Variants in DENND2B observed in about 807,000 individuals in gnomAD.
DENND2B encodes the protein DENN domain-containing protein 2B.
DENND2B carries 32 observed loss-of-function variants against 116.0 expected under a neutral mutation model. That is an observed-to-expected ratio of 0.28 (90% CI 0.21 to 0.37). DENND2B has a LOEUF of 0.37. DENND2B is among the 10% of genes least tolerant of loss of function. DENND2B has a pLI of 1.00. For missense variants in DENND2B, 1,276 were observed against 1,477.7 expected (o/e 0.86, Z 2.24); for synonymous variants, 588 against 583.9 (o/e 1.01, Z -0.10).
chr11:8,708,995 A>G (rs1427088380), intron 11 of DENND2B, among the ~76,000 whole-genome samples: 1 of 149,954 alleles, frequency 6.7e-6, no homozygotes, highest in Non-Finnish European at 1.5e-5. Flanking sequence ...GGAGACATGC[A>G]CTGAGAGCTC....
chr11:8,819,711 C>T (rs190522282), intron 4 of DENND2B, among the ~76,000 whole-genome samples: 7 of 152,290 alleles, frequency 4.6e-5, no homozygotes, highest in African/African-American at 1.7e-4. Context: ...CTGACCAGTA[C>T]TCCTGAAAAG....
chr11:8,772,874 T>G (rs2134194990), intron 1 of DENND2B, among the ~76,000 whole-genome samples: 1 of 152,020 alleles, frequency 6.6e-6, no homozygotes, highest in African/African-American at 2.4e-5. Context: ...TGGGTATGCT[T>G]ACAGCGCACC....
At chr11:8,792,108 G>A (rs1244630600) in intron 1 of DENND2B, among the ~76,000 whole-genome samples, 1 of 138,352 alleles carries the variant, frequency 7.2e-6, no homozygotes, top group Non-Finnish European at 1.6e-5. Flanking sequence ...GGGAGGCTGA[G>A]GCAGGAGAAT....
Position 8,717,721 on chromosome 11 carries a change from C to T in DENND2B, c.1629+20G>A, listed in dbSNP as rs374322597. The T allele has an allele frequency of 6.4e-5, 98 of 1,530,454 alleles. No individual in the cohort carries two copies. Among genetic ancestry groups the T allele is most frequent in the East Asian group, 9.3e-5 (4 of 43,152 alleles). 94.8% of individuals were successfully genotyped at this position (1,530,454 alleles called of 1,614,324 possible). The stretch of plus-strand genomic sequence containing the variant: ...TGGCCCTCACGCTAACCCTACAGGC[C>T]GATGTCAGGGCTGAGTTACCTGTGT... On this transcript the variant is annotated intron_variant, in intron 5 of 19. Transcript: ENST00000313726.
At chr11:8,770,189 C>T (rs74053189) in intron 1 of DENND2B, among the ~76,000 whole-genome samples, 2,926 of 152,248 alleles carry the variant, frequency 0.019, 95 homozygotes, top group African/African-American at 0.067. Flanking sequence ...ATGCAAAGTA[C>T]TTTAGAGTAC....
chr11:8,698,168 G>GAAAAA (rs1314163895), intron 16 of DENND2B, among the ~76,000 whole-genome samples: 1 of 84,792 alleles, frequency 1.2e-5, no homozygotes, highest in Non-Finnish European at 3.1e-5. Context: ...AAAAAAAAAG[G>GAAAAA]GGGTAGAGCC....
intron 2 of DENND2B, among the ~76,000 whole-genome samples, chr11:8,734,096 T>C (rs1413561725): frequency 6.6e-6 from 1 of 152,192 alleles, no homozygotes. Context: ...CAAGGTCTGG[T>C]AAACAATAAA....
At chr11:8,777,918 G>C (rs1436534814) in intron 1 of DENND2B, among the ~76,000 whole-genome samples, 1 of 152,172 alleles carries the variant, frequency 6.6e-6, no homozygotes, top group Non-Finnish European at 1.5e-5. Flanking sequence ...GCTTTTTATA[G>C]CATGAACTAT....
intron 9 of DENND2B, among the ~76,000 whole-genome samples, chr11:8,711,503 G>A (rs999580696): frequency 1.3e-5 from 2 of 152,050 alleles, no homozygotes; most frequent in Admixed American, 6.6e-5. Context: ...CAAGGTCCCC[G>A]ACCTTACACA....
chr11:8,865,276 G>A (rs896113483), intron 2 of DENND2B, among the ~76,000 whole-genome samples: 2 of 152,084 alleles, frequency 1.3e-5, no homozygotes, highest in South Asian at 2.1e-4. Flanking sequence ...TTCTTTTGAT[G>A]GTAATTTTTT....
chr11:8,796,348 C>G (rs2059811500), intron 1 of DENND2B, among the ~76,000 whole-genome samples: 1 of 152,156 alleles, frequency 6.6e-6, no homozygotes, highest in Non-Finnish European at 1.5e-5. Flanking sequence ...TCAAGACCAG[C>G]CTGGCCAACA....
intron 14 of DENND2B, chr11:8,700,049 C>T (rs1163067203): frequency 4.5e-6 from 2 of 442,510 alleles, no homozygotes; most frequent in East Asian, 7.2e-5. Flanking sequence ...ATTCACAGCC[C>T]CACGGGAGCT....
At chr11:8,790,677 G>C (rs1205011985) in intron 1 of DENND2B, among the ~76,000 whole-genome samples, 1 of 152,180 alleles carries the variant, frequency 6.6e-6, no homozygotes, top group African/African-American at 2.4e-5. Flanking sequence ...GCTGCAGTGG[G>C]AGGATCACTT....
At chr11:8,907,512 T>C (rs2064253840) in intron 1 of DENND2B, among the ~76,000 whole-genome samples, 1 of 134,648 alleles carries the variant, frequency 7.4e-6, no homozygotes, top group African/African-American at 2.5e-5. Context: ...CAAATATATT[T>C]ACAAATAGAA....
At chr11:8,755,700 C>T (rs1164746743) in intron 1 of DENND2B, among the ~76,000 whole-genome samples, 1 of 152,166 alleles carries the variant, frequency 6.6e-6, no homozygotes, top group Non-Finnish European at 1.5e-5. Flanking sequence ...GTTGCCCAGG[C>T]TGGTCTCGAA....
intron 1 of DENND2B, among the ~76,000 whole-genome samples, chr11:8,763,536 A>T (rs572471962): frequency 6.6e-6 from 1 of 151,788 alleles, no homozygotes; most frequent in African/African-American, 2.4e-5. Flanking sequence ...TTACATAATG[A>T]TTACTATACA....
At chr11:8,710,325 T>C (rs187533476) in intron 11 of DENND2B, among the ~76,000 whole-genome samples, 116 of 152,230 alleles carry the variant, frequency 7.6e-4, no homozygotes, top group Non-Finnish European at 1.4e-3. Context: ...AAGGTATCTC[T>C]CTCAGATTCC....
At chr11:8,752,526 T>A (rs1373435640) in intron 1 of DENND2B, among the ~76,000 whole-genome samples, 2 of 152,100 alleles carry the variant, frequency 1.3e-5, no homozygotes, top group Middle Eastern at 3.4e-3. Context: ...TTATTTTAAA[T>A]AAGATGTTCA....
chr11:8,894,552 GA>G (rs201339906), intron 1 of DENND2B, among the ~76,000 whole-genome samples: 49,004 of 150,762 alleles, frequency 0.33, 9,657 homozygotes, highest in Non-Finnish European at 0.44. Flanking sequence ...AAATTTACAA[GA>G]AAAAAACAAA....
Sources: allele counts gnomAD v4.1 joint callset (sites outside exome capture counted in the v4.1 genomes callset), GRCh38; gene constraint gnomAD v4.1.1; transcripts MANE v1.5; gene names NCBI Gene and HGNC (gene_info 2026-07-23, HGNC 2026-07-21).